The following MEF2C variants were observed in gnomAD, a reference collection of about 807,000 sequenced individuals.
The protein encoded by MEF2C is myocyte-specific enhancer factor 2C.
Under a neutral mutation model 50.5 loss-of-function variants are expected in MEF2C, and 6 were observed. The observed-to-expected ratio is 0.12, with a 90% confidence interval of 0.07 to 0.23. MEF2C has a LOEUF of 0.23. Ranked by LOEUF, MEF2C falls within the 10% of genes least tolerant of loss-of-function variation. MEF2C has a pLI of 1.00. For synonymous variants in MEF2C, 183 were observed against 228.0 expected, an observed-to-expected ratio of 0.80 and a Z score of 1.78; for missense variants, 276 against 605.0, an observed-to-expected ratio of 0.46 and a Z score of 5.70.
In MEF2C at chr5:88,779,593, GTGTAGGTT is replaced by G. The variant is rs201375173; in HGVS notation, c.259-18273_259-18266del. Among the ~76,000 whole-genome samples the G allele has an allele frequency of 6.2e-4, 78 of 126,524 alleles. 1 individual carries two copies. In the East Asian group the frequency reaches 0.022, roughly 35 times the overall value. 83.0% of individuals were successfully genotyped at this position (126,524 alleles called of 152,430 possible). On this transcript the variant is annotated intron_variant, in intron 3 of 10. Coordinates refer to ENST00000504921, the MANE Select transcript of MEF2C (RefSeq NM_002397.5). Reference sequence around the variant, plus strand: ...TGTATATGTGAATATATGTAGGTTTGTGTAGGTTTGTGTGTGTGTGTGTGTGTGTGTGT... The same window carrying G: ...TGTATATGTGAATATATGTAGGTTTGTGTGTGTGTGTGTGTGTGTGTGTGT...
chr5:88,719,742 C>G lies in MEF2C; in HGVS notation c.*2862G>C, dbSNP rs1755662489. 6.6e-6 allele frequency: 1 copy of G among 152,134 alleles called. No individual in the cohort carries two copies. The highest frequency in any genetic ancestry group is 1.5e-5 in the Non-Finnish European group (1 of 67,994). 9.4% of individuals were successfully genotyped at this position (152,134 alleles called of 1,614,324 possible). A position where few individuals can be genotyped will look rare whatever the true frequency, so the allele number is the denominator to read the frequency against. On this transcript the variant is annotated 3_prime_UTR_variant, in exon 11 of 11. Coordinates refer to ENST00000504921, the MANE Select transcript of MEF2C (RefSeq NM_002397.5). ...GTGACTCATCAAAATCAAAATTGTG[C>G]TTCTTCTCATTAAATCATCTTTTAA...
chr5:88,752,236 T>TTTGCAACCA (rs1420225263), intron 4 of MEF2C, among the ~76,000 whole-genome samples, 193 bp from the exon 5 acceptor site: 3 of 152,250 alleles, frequency 2.0e-5, no homozygotes, highest in Non-Finnish European at 2.9e-5. Context: ...GAACTCCTTC[T>TTTGCAACCA]TTGCAACCAT....
chr5:88,853,357 G>T (rs1480263835), intron 1 of MEF2C, among the ~76,000 whole-genome samples: 1 of 152,210 alleles, frequency 6.6e-6, no homozygotes, highest in Non-Finnish European at 1.5e-5. Flanking sequence ...TTACCAAACA[G>T]CTGTGTACAC....
chr5:88,804,305 C>T (rs114141837), intron 3 of MEF2C, among the ~76,000 whole-genome samples: 1 of 152,308 alleles, frequency 6.6e-6, no homozygotes, highest in African/African-American at 2.4e-5. Context: ...TGTCCTGATA[C>T]ACAGCTGTGG....
intron 3 of MEF2C, among the ~76,000 whole-genome samples, chr5:88,787,352 T>C (rs1165549352): frequency 6.6e-6 from 1 of 152,202 alleles, no homozygotes; most frequent in Non-Finnish European, 1.5e-5. Context: ...ACTAATTTTT[T>C]AAAACTTAAG....
At chr5:88,752,463 A>T in intron 4 of MEF2C, 1 of 374,416 alleles carries the variant, frequency 2.7e-6, no homozygotes, top group Non-Finnish European at 3.7e-6. Flanking sequence ...TTATTGAAGC[A>T]TATTTATGTA....
intron 6 of MEF2C, chr5:88,744,031 C>CT: frequency 2.1e-6 from 2 of 972,696 alleles, no homozygotes; most frequent in Non-Finnish European, 2.4e-6. Flanking sequence ...TCTTTTTTCT[C>CT]TTTTTTTGAT....
chr5:88,854,144 C>A (rs1171904303), intron 1 of MEF2C, among the ~76,000 whole-genome samples: 1 of 152,126 alleles, frequency 6.6e-6, no homozygotes, highest in Admixed American at 6.6e-5. Flanking sequence ...TTTGGTGAGA[C>A]CAAAGCTTTA....
intron 2 of MEF2C, among the ~76,000 whole-genome samples, chr5:88,816,159 T>C (rs1805241709): frequency 6.6e-6 from 1 of 152,108 alleles, no homozygotes; most frequent in African/African-American, 2.4e-5. Flanking sequence ...GTGACAATTA[T>C]TCTTTTCCTT....
chr5:88,754,069 TG>T (rs1774100407), intron 4 of MEF2C, among the ~76,000 whole-genome samples: 2 of 152,232 alleles, frequency 1.3e-5, no homozygotes, highest in South Asian at 4.1e-4. Flanking sequence ...CACTGTACTG[TG>T]TGCCCAGGAG....
chr5:88,772,694 T>C (rs960822147), intron 3 of MEF2C: 6 of 975,466 alleles, frequency 6.2e-6, no homozygotes, highest in Non-Finnish European at 6.1e-6. Context: ...TACGTGACAT[T>C]CAAATCTTTT....
chr5:88,819,385 C>T (rs1807162234), intron 2 of MEF2C: 1 of 985,026 alleles, frequency 1.0e-6, no homozygotes, highest in Non-Finnish European at 1.2e-6. Context: ...TTAACAGGAC[C>T]TTCAAAGCTT....
At chr5:88,863,355 G>T (rs908376168) in intron 1 of MEF2C, among the ~76,000 whole-genome samples, 1 of 152,184 alleles carries the variant, frequency 6.6e-6, no homozygotes, top group African/African-American at 2.4e-5. Flanking sequence ...GTTGACTGAT[G>T]TGTTAATAAA....
intron 1 of MEF2C, among the ~76,000 whole-genome samples, chr5:88,903,086 G>T (rs1199764137): frequency 1.3e-5 from 2 of 151,824 alleles, no homozygotes; most frequent in Admixed American, 6.6e-5. Context: ...CTAACATGTG[G>T]TCTCATTTTT....
chr5:88,740,807 T>C (rs1234024461), intron 6 of MEF2C: 3 of 985,242 alleles, frequency 3.0e-6, no homozygotes, highest in South Asian at 9.4e-5. Context: ...CTATGAATGA[T>C]AGATTTATGA....
At chr5:88,862,758 G>T (rs577725745) in intron 1 of MEF2C, among the ~76,000 whole-genome samples, 1 of 152,270 alleles carries the variant, frequency 6.6e-6, no homozygotes, top group South Asian at 2.1e-4. Context: ...CTGTGTCTAG[G>T]AAATAGGGCA....
intron 1 of MEF2C, among the ~76,000 whole-genome samples, chr5:88,866,486 G>A (rs1443595569): frequency 6.6e-6 from 1 of 152,088 alleles, no homozygotes; most frequent in East Asian, 1.9e-4. Context: ...CAGCAGTACG[G>A]CAATACTTTT....
intron 3 of MEF2C, among the ~76,000 whole-genome samples, chr5:88,802,394 C>A (rs1798734095): frequency 6.6e-6 from 1 of 152,170 alleles, no homozygotes; most frequent in South Asian, 2.1e-4. Flanking sequence ...TTTCAAATAT[C>A]CACCTATCAA....
intron 6 of MEF2C, chr5:88,734,228 G>A: frequency 1.0e-6 from 1 of 985,294 alleles, no homozygotes; most frequent in Non-Finnish European, 1.2e-6. Flanking sequence ...ATACTTTGCT[G>A]TCAGCTGAAG....
Sources: allele counts gnomAD v4.1 joint callset (sites outside exome capture counted in the v4.1 genomes callset), GRCh38; gene constraint gnomAD v4.1.1; transcripts MANE v1.5; gene names NCBI Gene and HGNC (gene_info 2026-07-23, HGNC 2026-07-21).